The following CDC42BPA variants were observed in gnomAD, a reference collection of about 807,000 sequenced individuals.
The protein encoded by CDC42BPA is CDC42 binding protein kinase alpha, also known as serine/threonine-protein kinase MRCK alpha.
CDC42BPA carries 80 observed loss-of-function variants against 223.5 expected under a neutral mutation model. The ratio of observed to expected loss-of-function variants is 0.36; its 90% CI spans 0.30 to 0.43. The LOEUF (loss-of-function observed/expected upper bound fraction) is 0.43, where lower values mean the gene tolerates loss of function less well. Ranked by LOEUF, CDC42BPA falls within the 20% of genes least tolerant of loss-of-function variation. The pLI is 1.00. For synonymous variants in CDC42BPA, 694 were observed against 718.6 expected, an observed-to-expected ratio of 0.97 and a Z score of 0.55; for missense variants, 1,743 against 2,099.9, an observed-to-expected ratio of 0.83 and a Z score of 3.32.
chr1:227,301,654 A>T (rs910195985), intron 1 of CDC42BPA, among the ~76,000 whole-genome samples: 4 of 152,180 alleles, frequency 2.6e-5, no homozygotes, highest in Admixed American at 2.6e-4. Flanking sequence ...CACTGTGCCC[A>T]GCCGGATTTA....
chr1:227,154,590 C>T (rs1662382481), intron 6 of CDC42BPA, among the ~76,000 whole-genome samples: 1 of 151,844 alleles, frequency 6.6e-6, no homozygotes, highest in African/African-American at 2.4e-5. Flanking sequence ...TATTAAACTG[C>T]AAATTTAAAC....
At chr1:227,031,934 A>G (rs565133182) in intron 27 of CDC42BPA, among the ~76,000 whole-genome samples, 9 of 152,322 alleles carry the variant, frequency 5.9e-5, no homozygotes, top group African/African-American at 2.2e-4. Flanking sequence ...CTTATTTTAT[A>G]TATGAAAAAA....
At chr1:227,272,003 G>A (rs1407862454) in intron 1 of CDC42BPA, among the ~76,000 whole-genome samples, 2 of 152,130 alleles carry the variant, frequency 1.3e-5, no homozygotes, top group African/African-American at 4.8e-5. Context: ...CAGCTGGTAA[G>A]AACACTATTA....
chr1:227,116,227 A>C (rs955092190), intron 12 of CDC42BPA, among the ~76,000 whole-genome samples: 9 of 152,236 alleles, frequency 5.9e-5, no homozygotes, highest in African/African-American at 2.2e-4. Context: ...ATTTGGGCTT[A>C]ACCCAGAAAT....
chr1:227,312,469 C>A (rs1254075558), intron 1 of CDC42BPA, among the ~76,000 whole-genome samples: 1 of 152,152 alleles, frequency 6.6e-6, no homozygotes, highest in Non-Finnish European at 1.5e-5. Flanking sequence ...CTAAGGTATG[C>A]CTTACATTTC....
intron 23 of CDC42BPA, among the ~76,000 whole-genome samples, chr1:227,044,157 T>C (rs1207938827): frequency 6.6e-6 from 1 of 152,240 alleles, no homozygotes; most frequent in Non-Finnish European, 1.5e-5. Flanking sequence ...TTCTGGGAAT[T>C]ATTTATATCA....
intron 32 of CDC42BPA, among the ~76,000 whole-genome samples, chr1:227,022,028 A>G (rs1477844565): frequency 2.5e-4 from 31 of 124,748 alleles, no homozygotes; most frequent in Non-Finnish European, 5.0e-4. Flanking sequence ...CCCCCGCAAA[A>G]AAAAAATAAA....
At chr1:227,211,588 A>T (rs1035645430) in intron 3 of CDC42BPA, among the ~76,000 whole-genome samples, 11 of 152,188 alleles carry the variant, frequency 7.2e-5, no homozygotes, top group Non-Finnish European at 1.5e-4. Context: ...ACATATACAC[A>T]TAAATAAATA....
chr1:227,019,452 G>A (rs182786120), intron 32 of CDC42BPA, among the ~76,000 whole-genome samples: 3 of 152,164 alleles, frequency 2.0e-5, no homozygotes, highest in African/African-American at 7.2e-5. Context: ...TCCTGTGAAT[G>A]ATGGTATTTT....
intron 10 of CDC42BPA, among the ~76,000 whole-genome samples, chr1:227,138,072 A>G (rs892174221): frequency 6.6e-6 from 1 of 152,152 alleles, no homozygotes; most frequent in African/African-American, 2.4e-5. Context: ...GAAGTAATTC[A>G]TATGCAGAGA....
chr1:227,232,793 C>G (rs571185857), intron 2 of CDC42BPA, among the ~76,000 whole-genome samples: 1 of 152,324 alleles, frequency 6.6e-6, no homozygotes, highest in Non-Finnish European at 1.5e-5. Flanking sequence ...CAGAGGGAAA[C>G]CCGGCTGTAT....
At chr1:227,021,298 G>A (rs996592754) in intron 32 of CDC42BPA, among the ~76,000 whole-genome samples, 2 of 152,114 alleles carry the variant, frequency 1.3e-5, no homozygotes, top group Non-Finnish European at 2.9e-5. Flanking sequence ...TATCTGTGGA[G>A]CACGATAAAG....
chr1:227,213,009 T>G, intron 3 of CDC42BPA, 127 bp downstream of exon 3: 1 of 520,430 alleles, frequency 1.9e-6, no homozygotes, highest in East Asian at 3.3e-5. Flanking sequence ...ATTTGTCTTT[T>G]ATGCCTTAAA....
At chr1:227,314,471 T>C (rs1325693491) in intron 1 of CDC42BPA, among the ~76,000 whole-genome samples, 1 of 152,074 alleles carries the variant, frequency 6.6e-6, no homozygotes, top group Non-Finnish European at 1.5e-5. Context: ...ATATCTGACT[T>C]TGAATTGTCA....
intron 2 of CDC42BPA, among the ~76,000 whole-genome samples, chr1:227,220,196 A>G (rs1675575524): frequency 6.6e-6 from 1 of 151,110 alleles, no homozygotes; most frequent in South Asian, 2.1e-4. Flanking sequence ...TCCTTAAGTA[A>G]CTGCCTTACA....
chr1:227,031,546 A>G (rs750601694), intron 27 of CDC42BPA, 32 bp from the exon 28 acceptor site: 2 of 1,547,514 alleles, frequency 1.3e-6, no homozygotes, highest in Admixed American at 3.4e-5. Context: ...TCATGATATT[A>G]GAAAACAGAC....
chr1:227,028,910 T>C lies in CDC42BPA; in HGVS notation c.4179A>G (p.Gln1393=), dbSNP rs1164331168. Reference sequence around the variant, plus strand: ...ATCCTGACTGGAATCCCACACAGAGTTGTTCACTGAAGATTGCCATCCACT... The same window carrying C: ...ATCCTGACTGGAATCCCACACAGAGCTGTTCACTGAAGATTGCCATCCACT... The part of the protein sequence containing the change: ...NVQWMAIFSE[Q]LCVGFQSGFL... Residue 1393 remains glutamine (Q), a synonymous_variant, in exon 30 of 37, where the codon CAA becomes CAG. Transcript: ENST00000366766. The C allele has an allele frequency of 2.5e-6, 4 of 1,613,874 alleles. No individual in the cohort carries two copies. Among genetic ancestry groups the C allele is most frequent in the Admixed American group, 1.7e-5 (1 of 59,998 alleles).
At chr1:227,110,274 A>G (rs1021040665) in intron 14 of CDC42BPA, among the ~76,000 whole-genome samples, 16 of 152,154 alleles carry the variant, frequency 1.1e-4, no homozygotes, top group African/African-American at 3.9e-4. Flanking sequence ...GATTCCTACA[A>G]TCTTTAAAAG....
Position 227,101,019 on chromosome 1 carries a change from T to A in CDC42BPA, c.2222A>T (p.Asp741Val), listed in dbSNP as rs1193891071. The A allele has an allele frequency of 6.5e-7, 1 of 1,527,828 alleles. No individual in the cohort carries two copies. Among genetic ancestry groups the A allele is most frequent in the Non-Finnish European group, 9.0e-7 (1 of 1,107,978 alleles). 94.6% of individuals were successfully genotyped at this position (1,527,828 alleles called of 1,614,324 possible). Residue 741 changes from aspartate to valine, a missense_variant, in exon 15 of 37, where the codon GAC becomes GTC. By Grantham distance (152) the Asp-to-Val change is radical. Coordinates refer to ENST00000366766, the MANE Select transcript of CDC42BPA (RefSeq NM_001394014.1). ...ALNKEIMILK[D>V]KLEKTRRESQ... is the part of the protein sequence containing the mutation. ...TTCTCTTCTGGTTTTTTCCAATTTGTCTTTTAAAATCATAATTTCTTTGTT... is the reference window on the plus strand; with the variant it reads ...TTCTCTTCTGGTTTTTTCCAATTTGACTTTTAAAATCATAATTTCTTTGTT...
Sources: gnomAD v4.1 joint callset for allele counts (sites outside exome capture counted in the v4.1 genomes callset) on GRCh38, gnomAD v4.1.1 for gene constraint, MANE v1.5 for transcripts, NCBI Gene and HGNC (gene_info 2026-07-23, HGNC 2026-07-21) for gene names.